CHD9: variants seen among roughly 807,000 people sequenced by gnomAD.
The protein encoded by CHD9 is ATP-dependent chromatin remodeler CHD9.
Under a neutral mutation model 316.1 loss-of-function variants are expected in CHD9, and 77 were observed. That is an observed-to-expected ratio of 0.24 (90% CI 0.20 to 0.29). The LOEUF (loss-of-function observed/expected upper bound fraction) is 0.29. CHD9 is among the 10% of genes least tolerant of loss of function. CHD9 has a pLI of 1.00. For synonymous variants in CHD9, 1,129 were observed against 1,158.3 expected, an observed-to-expected ratio of 0.97 and a Z score of 0.51; for missense variants, 2,763 against 3,438.1, an observed-to-expected ratio of 0.80 and a Z score of 4.91.
At chr16:53,191,804 G>C (rs946290791) in intron 2 of CHD9, among the ~76,000 whole-genome samples, 8 of 152,034 alleles carry the variant, frequency 5.3e-5, no homozygotes, top group Non-Finnish European at 2.9e-5. Context: ...TGGGGTTACT[G>C]GGTCACAAGT....
At chr16:53,068,898 C>T (rs2033758968) in intron 1 of CHD9, among the ~76,000 whole-genome samples, 1 of 152,238 alleles carries the variant, frequency 6.6e-6, no homozygotes, top group Admixed American at 6.5e-5. Context: ...CCGTAGGTCA[C>T]TTCCACTATT....
At chr16:53,138,099 A>G (rs975894326) in intron 1 of CHD9, among the ~76,000 whole-genome samples, 15 of 152,224 alleles carry the variant, frequency 9.9e-5, no homozygotes, top group African/African-American at 3.1e-4. Flanking sequence ...GTAATGACCA[A>G]AGTTCCCAGG....
intron 1 of CHD9, among the ~76,000 whole-genome samples, chr16:53,136,787 C>T (rs547759228): frequency 1.3e-5 from 2 of 152,244 alleles, no homozygotes; most frequent in South Asian, 4.1e-4. Flanking sequence ...TATTGGCACC[C>T]TGAAAGCTTT....
At chr16:53,221,281 A>G (rs1159193886) in intron 3 of CHD9, among the ~76,000 whole-genome samples, 1 of 152,234 alleles carries the variant, frequency 6.6e-6, no homozygotes, top group African/African-American at 2.4e-5. Context: ...AAAAGAGATC[A>G]AGTAATTTGC....
intron 1 of CHD9, among the ~76,000 whole-genome samples, chr16:53,128,152 T>C (rs1205296252): frequency 6.6e-6 from 1 of 151,928 alleles, no homozygotes; most frequent in Non-Finnish European, 1.5e-5. Context: ...AGGGCCTCTT[T>C]AATTGGAAAG....
chr16:53,146,424 TATATA>T (rs1380994624), intron 1 of CHD9, among the ~76,000 whole-genome samples: 1 of 128,166 alleles, frequency 7.8e-6, no homozygotes, highest in Admixed American at 8.3e-5. Context: ...TGTATGTATA[TATATA>T]TATATATAAT....
chr16:53,236,286 A>G (rs1260312309), intron 11 of CHD9, among the ~76,000 whole-genome samples: 2 of 152,032 alleles, frequency 1.3e-5, no homozygotes, highest in Non-Finnish European at 2.9e-5. Context: ...CTCTCTGTAT[A>G]TGACTGCTTC....
At chr16:53,142,748 TA>T (rs2040219539) in intron 1 of CHD9, among the ~76,000 whole-genome samples, 1 of 152,256 alleles carries the variant, frequency 6.6e-6, no homozygotes, top group South Asian at 2.1e-4. Context: ...TTGGTGAATC[TA>T]ATTTATTTTC....
chr16:53,126,995 C>T (rs932611539), intron 1 of CHD9, among the ~76,000 whole-genome samples: 7 of 149,770 alleles, frequency 4.7e-5, no homozygotes, highest in East Asian at 2.0e-4. Context: ...CACTTTTTCA[C>T]CCAGGCTGGA....
chr16:53,306,868 C>T (rs1195720488), intron 32 of CHD9, among the ~76,000 whole-genome samples: 2 of 152,174 alleles, frequency 1.3e-5, no homozygotes, highest in Non-Finnish European at 2.9e-5. Context: ...CAACCTCCGC[C>T]TCCCAGGTTC....
At chr16:53,115,083 G>C (rs1208097161) in intron 1 of CHD9, among the ~76,000 whole-genome samples, 1 of 152,158 alleles carries the variant, frequency 6.6e-6, no homozygotes, top group Non-Finnish European at 1.5e-5. Flanking sequence ...ATTAACTTAG[G>C]TTACTTGAAT....
intron 1 of CHD9, among the ~76,000 whole-genome samples, chr16:53,094,129 C>A (rs557311080): frequency 6.6e-6 from 1 of 152,336 alleles, no homozygotes; most frequent in South Asian, 2.1e-4. Context: ...GAGAGCACTT[C>A]CCCTTGGGTT....
intron 37 of CHD9, chr16:53,319,752 A>G: frequency 1.1e-6 from 1 of 894,824 alleles, no homozygotes; most frequent in Non-Finnish European, 1.5e-6. Flanking sequence ...ACTTCATGAG[A>G]GGTTTGTTCA....
At position 53,113,304 on chromosome 16, in the gene CHD9, A is replaced by G. The variant is rs576172446; in HGVS notation, c.-164-42622A>G. On this transcript the variant is annotated intron_variant, in intron 1 of 38. Coordinates refer to ENST00000447540, the MANE Select transcript of CHD9 (RefSeq NM_001308319.2). ...AGTTGGTTAGTAGTAAGCCTGGACT[A>G]CAACTCAGATATTTCCACTTTCAAT... 2.6e-4 allele frequency among the ~76,000 whole-genome samples: 39 copies of G among 152,024 alleles called. 1 individual carries two copies. The South Asian group carries it at 5.2e-3, about 20-fold the overall frequency.
chr16:53,243,067 G>A (rs2049243730), intron 13 of CHD9, 51 bp downstream of exon 13: 8 of 1,356,668 alleles, frequency 5.9e-6, no homozygotes, highest in Non-Finnish European at 8.2e-6. Flanking sequence ...TAGATGTATA[G>A]TGAAAGGTTA....
rs1036166843 is a variant in CHD9, at chr16:53,327,350, G to C, written c.*2455G>C. 6.6e-6 allele frequency: 1 copy of C among 152,498 alleles called. No homozygotes were observed. Among genetic ancestry groups the C allele is most frequent in the South Asian group, 2.1e-4 (1 of 4,824 alleles). The allele number at this position is 152,498 out of a possible 1,614,324, so 9.4% of individuals were successfully genotyped here. ...TTTTGGACATTTGCAATATTTACCAGTTGTGTTTTGTGTAGTCTGAATTTG... is the reference window on the plus strand; with the variant it reads ...TTTTGGACATTTGCAATATTTACCACTTGTGTTTTGTGTAGTCTGAATTTG... On this transcript the variant is annotated 3_prime_UTR_variant, in exon 39 of 39. Coordinates refer to ENST00000447540, the MANE Select transcript of CHD9 (RefSeq NM_001308319.2).
At chr16:53,298,677 C>T (rs1454343392) in intron 30 of CHD9, 3 of 152,420 alleles carry the variant, frequency 2.0e-5, no homozygotes, top group African/African-American at 4.8e-5. Context: ...CAGAAAGCTA[C>T]TCACCAAACA....
intron 1 of CHD9, among the ~76,000 whole-genome samples, chr16:53,074,766 C>T (rs537502101): frequency 5.8e-4 from 88 of 152,354 alleles, no homozygotes; most frequent in African/African-American, 2.0e-3. Context: ...TGTATGGAGA[C>T]GCCTGGATGC....
intron 27 of CHD9, among the ~76,000 whole-genome samples, chr16:53,290,679 G>A (rs149775453): frequency 0.03 from 4,576 of 152,210 alleles, 127 homozygotes; most frequent in Non-Finnish European, 0.047. Flanking sequence ...TCAGGAGGCT[G>A]AAGCAGGAGG....
Sources: allele counts gnomAD v4.1 joint callset (sites outside exome capture counted in the v4.1 genomes callset), GRCh38; gene constraint gnomAD v4.1.1; transcripts MANE v1.5; gene names NCBI Gene and HGNC (gene_info 2026-07-23, HGNC 2026-07-21).